The following BAD variants were observed in gnomAD, a reference collection of about 807,000 sequenced individuals.
BAD encodes the protein bcl2-associated agonist of cell death.
Under a neutral mutation model 17.8 loss-of-function variants are expected in BAD, and 18 were observed. That is an observed-to-expected ratio of 1.01 (90% CI 0.70 to 1.50). The LOEUF (loss-of-function observed/expected upper bound fraction) is 1.50, where lower values mean the gene tolerates loss of function less well. Ranked by LOEUF, BAD falls within the 40% of genes most tolerant of loss-of-function variation. The pLI is 0.00. For missense variants in BAD, 294 were observed against 239.3 expected, an observed-to-expected ratio of 1.23 and a Z score of -1.51; for synonymous variants, 112 against 91.5, an observed-to-expected ratio of 1.22 and a Z score of -1.28.
At chr11:64,273,640 G>A (rs984064294) in intron 2 of BAD, among the ~76,000 whole-genome samples, 1 of 152,090 alleles carries the variant, frequency 6.6e-6, no homozygotes, top group Non-Finnish European at 1.5e-5. Context: ...CAGCACTTTG[G>A]GAGGCCGAGG....
chr11:64,284,620 A>G lies in BAD; in HGVS notation c.-9+11T>C, dbSNP rs1028432318. 25 of 1,512,094 alleles carry G rather than the reference A, an allele frequency of 1.7e-5. No individual in the cohort carries two copies. Among genetic ancestry groups the G allele is most frequent in the Middle Eastern group, 3.7e-4 (2 of 5,354 alleles). 93.7% of individuals were successfully genotyped at this position (1,512,094 alleles called of 1,614,324 possible). On this transcript the variant is annotated intron_variant, in intron 1 of 3. Coordinates refer to ENST00000309032, the MANE Select transcript of BAD (RefSeq NM_032989.3). ...CCCGCCCCGCCCGTGGTGACGGCGC[A>G]CAGGTCTCACCCCAAGCCCGATCTC...
chr11:64,271,848 C>T (rs1414974680), intron 2 of BAD, 45 bp from the exon 3 acceptor site: 14 of 1,326,856 alleles, frequency 1.1e-5, no homozygotes, highest in Admixed American at 7.3e-5. Context: ...ATCTCAGCTC[C>T]TCTAAGCCCC....
At position 64,270,065 on chromosome 11, in the gene BAD, A is replaced by G; in HGVS notation, c.*144T>C. The G allele has an allele frequency of 7.1e-7, 1 of 1,411,666 alleles. No homozygotes were observed. Among genetic ancestry groups the G allele is most frequent in the East Asian group, 2.5e-5 (1 of 40,232 alleles). 87.4% of individuals were successfully genotyped at this position (1,411,666 alleles called of 1,614,324 possible). A position where few individuals can be genotyped will look rare whatever the true frequency, so the allele number is the denominator to read the frequency against. On this transcript the variant is annotated 3_prime_UTR_variant, in exon 4 of 4. Transcript: ENST00000309032. ...CTTCCGTGGCTTCACACGCACCGGAAGGGAATCTGGGTCAGCCCTCCCTCC... is the reference window on the plus strand; with the variant it reads ...CTTCCGTGGCTTCACACGCACCGGAGGGGAATCTGGGTCAGCCCTCCCTCC...
chr11:64,277,944 C>G (rs1565348722), intron 2 of BAD, among the ~76,000 whole-genome samples: 1 of 152,144 alleles, frequency 6.6e-6, no homozygotes, highest in Non-Finnish European at 1.5e-5. Context: ...ATTTGAATTT[C>G]ATAGAATGTT....
At chr11:64,279,480 C>A (rs1268149929) in intron 2 of BAD, among the ~76,000 whole-genome samples, 1 of 152,182 alleles carries the variant, frequency 6.6e-6, no homozygotes, top group African/African-American at 2.4e-5. Flanking sequence ...AAAGCCACCT[C>A]TAGCGGCCAG....
Position 64,270,516 on chromosome 11 carries a change from G to A in BAD, c.379-179C>T, listed in dbSNP as rs915932318. ...CTCGCGAGGACGCATGGGCCCCCAG[G>A]AATGGGAACTGGTTAGATCCCAGGA... On this transcript the variant is annotated intron_variant, in intron 3 of 3. Transcript: ENST00000309032. 4 of 807,304 alleles carry A rather than the reference G, an allele frequency of 5.0e-6. No individual in the cohort carries two copies. In the East Asian group the frequency reaches 8.0e-5, roughly 16 times the overall value. 50.0% of individuals were successfully genotyped at this position (807,304 alleles called of 1,614,324 possible). A position where few individuals can be genotyped will look rare whatever the true frequency, so the allele number is the denominator to read the frequency against.
chr11:64,283,783 A>G (rs2033644188), intron 2 of BAD, among the ~76,000 whole-genome samples: 1 of 151,968 alleles, frequency 6.6e-6, no homozygotes, highest in Admixed American at 6.6e-5. Context: ...CTAACCCCAC[A>G]CTAATAGCTG....
chr11:64,283,166 C>G (rs2033603346), intron 2 of BAD, among the ~76,000 whole-genome samples: 1 of 152,130 alleles, frequency 6.6e-6, no homozygotes, highest in Non-Finnish European at 1.5e-5. Flanking sequence ...GCCTCTTAAG[C>G]CTTCTTAATC....
At chr11:64,275,337 C>T (rs2032981236) in intron 2 of BAD, among the ~76,000 whole-genome samples, 1 of 152,182 alleles carries the variant, frequency 6.6e-6, no homozygotes, top group African/African-American at 2.4e-5. Context: ...AGAGTAATTT[C>T]CAGTTCTGTG....
rs1187302553 is a variant in BAD at position 64,284,198 on chromosome 11, G to C, written c.171C>G (p.Ser57Arg). 6.2e-7 allele frequency: 1 copy of C among 1,600,818 alleles called. No individual in the cohort carries two copies. The highest frequency in any genetic ancestry group is 1.7e-5 in the Admixed American group (1 of 58,610). Residue 57 changes from serine to arginine, a missense_variant, in exon 2 of 4, where the codon AGC (serine) becomes AGG (arginine). Coordinates refer to ENST00000309032, the MANE Select transcript of BAD (RefSeq NM_032989.3). ...GGTACTTACCTCCATGATGGCTGCT[G>C]CTGGTTGGCTGCTCCTGCTGGTGAC... ...DASHQQEQPTSSSHHGGAGAV... is the reference protein window; with the variant it reads ...DASHQQEQPTRSSHHGGAGAV...
chr11:64,283,621 G>T (rs1276621805), intron 2 of BAD, among the ~76,000 whole-genome samples: 1 of 152,212 alleles, frequency 6.6e-6, no homozygotes, highest in African/African-American at 2.4e-5. Context: ...GAGCTGGAAG[G>T]CCTAATCCCA....
chr11:64,282,010 C>A (rs536828975), intron 2 of BAD, among the ~76,000 whole-genome samples: 84 of 152,318 alleles, frequency 5.5e-4, no homozygotes, highest in Admixed American at 2.9e-3. Context: ...TGAGCCACCG[C>A]GCCCGGCCTC....
At chr11:64,278,546 G>A (rs1364375131) in intron 2 of BAD, among the ~76,000 whole-genome samples, 2 of 152,154 alleles carry the variant, frequency 1.3e-5, no homozygotes, top group Non-Finnish European at 2.9e-5. Flanking sequence ...GGTGGGACTA[G>A]TTCTATTCCC....
chr11:64,284,099 T>A, intron 2 of BAD, 83 bp downstream of exon 2: 1 of 1,463,724 alleles, frequency 6.8e-7, no homozygotes, highest in Non-Finnish European at 9.1e-7. Flanking sequence ...AAGCATTCAG[T>A]GCCTGTGGAT....
Position 64,271,627 on chromosome 11 carries a change from C to A in BAD, c.364G>T (p.Val122Leu). The part of the protein sequence containing the change: ...RELRRMSDEF[V>L]DSFKKGLPRP... ...CTGGCGCTCACCTTAAAGGAGTCCA[C>A]AAACTCGTCACTCATCCTCCGGAGC... Residue 122 changes from valine to leucine, a missense_variant, in exon 3 of 4, where the codon GTG (valine) becomes TTG (leucine). By Grantham distance (32) the Val-to-Leu change is conservative (BLOSUM62 1). Transcript: ENST00000309032. 2 of 1,499,402 alleles carry A rather than the reference C, an allele frequency of 1.3e-6. No individual in the cohort carries two copies. The highest frequency in any genetic ancestry group is 1.8e-6 in the Non-Finnish European group (2 of 1,124,166). 92.9% of individuals were successfully genotyped at this position (1,499,402 alleles called of 1,614,324 possible).
chr11:64,276,619 G>A, intron 2 of BAD: 1 of 331,250 alleles, frequency 3.0e-6, no homozygotes, highest in Non-Finnish European at 5.6e-6. Flanking sequence ...GAGCCACGGT[G>A]CCCAGCCCTA....
chr11:64,269,861 G>A lies in BAD; in HGVS notation c.*348C>T, dbSNP rs1307087564. 2.9e-6 allele frequency: 2 copies of A among 697,906 alleles called. No individual in the cohort carries two copies. The highest frequency in any genetic ancestry group is 2.7e-5 in the East Asian group (1 of 37,282). The allele number at this position is 697,906 out of a possible 1,614,324, so 43.2% of individuals were successfully genotyped here. ...ACAGACGCGGGCTTTATTAACATTT[G>A]GTAGTGAGCACGGCCCCCAGGGCAT... On this transcript the variant is annotated 3_prime_UTR_variant, in exon 4 of 4. Coordinates refer to ENST00000309032, the MANE Select transcript of BAD (RefSeq NM_032989.3).
chr11:64,271,730 C>A lies in BAD; in HGVS notation c.261G>T (p.Gly87=). ...PAGTEDDEGM[G]EEPSPFRGRS... is the part of the protein sequence containing the mutation. ...GGCCCCGAAAGGGGCTGGGCTCCTCCCCCATCCCTTCGTCGTCCTCCGTCC... is the reference window on the plus strand; with the variant it reads ...GGCCCCGAAAGGGGCTGGGCTCCTCACCCATCCCTTCGTCGTCCTCCGTCC... Residue 87 remains glycine (G), a synonymous_variant, in exon 3 of 4, where the codon GGG becomes GGT. Transcript: ENST00000309032. 1 of 1,448,788 alleles carries A rather than the reference C, an allele frequency of 6.9e-7. No individual in the cohort carries two copies. The highest frequency in any genetic ancestry group is 9.1e-7 in the Non-Finnish European group (1 of 1,100,564). The allele number at this position is 1,448,788 out of a possible 1,614,324, so 89.7% of individuals were successfully genotyped here. A position where few individuals can be genotyped will look rare whatever the true frequency, so the allele number is the denominator to read the frequency against.
intron 2 of BAD, among the ~76,000 whole-genome samples, chr11:64,272,023 A>T (rs2032668037): frequency 6.6e-6 from 1 of 152,186 alleles, no homozygotes; most frequent in Non-Finnish European, 1.5e-5. Flanking sequence ...TAATCCCACG[A>T]ATCCTTACCG....
Sources: gnomAD v4.1 joint callset for allele counts (sites outside exome capture counted in the v4.1 genomes callset) on GRCh38, gnomAD v4.1.1 for gene constraint, MANE v1.5 for transcripts, NCBI Gene and HGNC (gene_info 2026-07-23, HGNC 2026-07-21) for gene names.